The following HSPG2 variants were observed in gnomAD, a reference collection of about 807,000 sequenced individuals.
HSPG2 encodes heparan sulfate proteoglycan 2.
A neutral mutation model predicts 526.6 loss-of-function variants in HSPG2; 278 were observed. The ratio of observed to expected loss-of-function variants is 0.53; its 90% CI spans 0.48 to 0.58. The LOEUF (loss-of-function observed/expected upper bound fraction) is 0.58. Ranked by LOEUF, HSPG2 falls within the 20% of genes least tolerant of loss-of-function variation. The pLI is 0.00. For missense variants in HSPG2, 5,354 were observed against 6,099.5 expected, an observed-to-expected ratio of 0.88 and a Z score of 4.07; for synonymous variants, 2,465 against 2,555.4, an observed-to-expected ratio of 0.96 and a Z score of 1.07.
intron 76 of HSPG2, chr1:21,835,216 T>G (rs555510184): frequency 1.7e-6 from 1 of 603,698 alleles, no homozygotes. Flanking sequence ...CTAGAATTCA[T>G]GCGCTCAAGC....
Position 21,860,163 on chromosome 1 carries a change from A to G in HSPG2, c.5014+14T>C. The G allele has an allele frequency of 1.2e-6, 2 of 1,613,642 alleles. No homozygotes were observed. Among genetic ancestry groups the G allele is most frequent in the Non-Finnish European group, 1.7e-6 (2 of 1,179,744 alleles). ...TTGCCCATCGTCCCCATCCTGGGCC[A>G]TGGTCCCACTTACTCTCTGGCAGGC... On this transcript the variant is annotated intron_variant, in intron 40 of 96. Coordinates refer to ENST00000374695, the MANE Select transcript of HSPG2 (RefSeq NM_005529.7).
chr1:21,907,473 GA>G (rs996434735), intron 1 of HSPG2, among the ~76,000 whole-genome samples: 5 of 152,174 alleles, frequency 3.3e-5, no homozygotes, highest in African/African-American at 1.2e-4. Context: ...GGACAGGAGT[GA>G]GGTGGAAGCG....
chr1:21,854,450 C>T, intron 49 of HSPG2, 107 bp from the exon 50 acceptor site: 2 of 1,481,960 alleles, frequency 1.3e-6, no homozygotes. Context: ...CTGCTCCGAG[C>T]CATCCCATGC....
rs747291083 is a variant in HSPG2 at position 21,880,448 on chromosome 1, T to C, written c.2110A>G (p.Ser704Gly). The C allele has an allele frequency of 1.7e-5, 27 of 1,613,854 alleles. No homozygotes were observed. Among genetic ancestry groups the C allele is most frequent in the Non-Finnish European group, 2.3e-5 (27 of 1,179,982 alleles). ...ATGGCGATGTCGCTAAGTCCCACGC[T>C]GGCCATCTTGGTGTTGTACACGGTC... The part of the protein sequence containing the change: ...IQTVYNTKMA[S>G]VGLSDIAMDT... Residue 704 changes from serine (S) to glycine (G), a missense_variant, in exon 16 of 97, where the codon AGC becomes GGC. By Grantham distance (56) the Ser-to-Gly change is moderately conservative. Coordinates refer to ENST00000374695, the MANE Select transcript of HSPG2 (RefSeq NM_005529.7).
intron 9 of HSPG2, among the ~76,000 whole-genome samples, chr1:21,886,770 A>ATGGG (rs1641926278): frequency 6.6e-6 from 1 of 152,108 alleles, no homozygotes; most frequent in Admixed American, 6.6e-5. Flanking sequence ...AGGTGGGTGC[A>ATGGG]TGGGTGGCTG....
chr1:21,850,035 T>C lies in HSPG2; in HGVS notation c.7446+6A>G. The stretch of plus-strand genomic sequence containing the variant: ...CCTTCAGGCTTCCTGAGCTCCTGCC[T>C]CCTACCTGGTGCCGGGCCGGGAGGC... On this transcript the variant is annotated splice_donor_region_variant and intron_variant, in intron 57 of 96. Coordinates refer to ENST00000374695, the MANE Select transcript of HSPG2 (RefSeq NM_005529.7). The C allele has an allele frequency of 1.2e-6, 2 of 1,612,826 alleles. No individual in the cohort carries two copies.
chr1:21,831,466 T>C lies in HSPG2; in HGVS notation c.11449A>G (p.Ile3817Val), dbSNP rs1283880539. 4 of 1,613,682 alleles carry C rather than the reference T, an allele frequency of 2.5e-6. No individual in the cohort carries two copies. The highest frequency in any genetic ancestry group is 1.6e-4 in the Middle Eastern group (1 of 6,074). ...IPKAGLSSGF[I>V]GCVRELRIQG... is the part of the protein sequence containing the mutation. ...TGGAGGTGGGGAGGGGGCTCACCTA[T>C]GAAGCCGCTGCTCAGCCCCGCCTTG... The change falls in exon 83 of 97, where the codon ATA becomes GTA. Residue 3817 changes from isoleucine (I) to valine (V), a missense_variant. Ile to Val is a conservative substitution (Grantham distance 29). Coordinates refer to ENST00000374695, the MANE Select transcript of HSPG2 (RefSeq NM_005529.7).
chr1:21,823,380 G>A lies in HSPG2; in HGVS notation c.13112C>T (p.Pro4371Leu). 6.4e-7 allele frequency: 1 copy of A among 1,553,912 alleles called. No homozygotes were observed. Among genetic ancestry groups the A allele is most frequent in the South Asian group, 1.2e-5 (1 of 85,536 alleles). ...LHSARPGAPP[P>L]QPLDLQHRAQ... ...GCGGTGCTGCAGGTCCAGGGGCTGT[G>A]GGGGCGGGGCGCCGGGTCGGGCCGA... The change falls in exon 97 of 97, where the codon CCA becomes CTA. Residue 4371 changes from proline to leucine, a missense_variant. Physicochemically the swap from Pro to Leu is moderately conservative, Grantham distance 98. Transcript: ENST00000374695.
At chr1:21,928,720 G>A (rs1291039028) in intron 1 of HSPG2, among the ~76,000 whole-genome samples, 3 of 151,514 alleles carry the variant, frequency 2.0e-5, no homozygotes, top group African/African-American at 4.9e-5. Context: ...GGGATTACAG[G>A]CGTGAGCCAC....
intron 33 of HSPG2, chr1:21,870,333 C>G (rs1372907688): frequency 4.1e-6 from 4 of 981,844 alleles, no homozygotes; most frequent in African/African-American, 1.7e-5. Flanking sequence ...ATGGAGGGAG[C>G]AGGCGAGCTA....
intron 55 of HSPG2, 137 bp downstream of exon 55, chr1:21,851,408 TA>T: frequency 1.6e-6 from 2 of 1,289,656 alleles, no homozygotes; most frequent in Non-Finnish European, 2.2e-6. Context: ...TTCTGGTTTC[TA>T]ACCACTGCAC....
chr1:21,884,558 G>A lies in HSPG2; in HGVS notation c.1624C>T (p.Leu542=). The A allele has an allele frequency of 6.2e-7, 1 of 1,611,338 alleles. No individual in the cohort carries two copies. Among genetic ancestry groups the A allele is most frequent in the Non-Finnish European group, 8.5e-7 (1 of 1,179,940 alleles). ...AAGTCATCGGGTTGGTCAAAGCGCA[G>A]CCTGATCTGGTCCCGGAAGCGGCGG... ...STRRFRDQIR[L]RFDQPDDFKG... The change falls in exon 13 of 97, where the codon CTG becomes TTG. Residue 542 remains leucine, a synonymous_variant. Transcript: ENST00000374695.
chr1:21,895,824 C>A lies in HSPG2; in HGVS notation c.244+98G>T, dbSNP rs1642706296. On this transcript the variant is annotated intron_variant, in intron 3 of 96. Coordinates refer to ENST00000374695, the MANE Select transcript of HSPG2 (RefSeq NM_005529.7). This position sits in a 1 kb window ranked among gnomAD's most constrained non-coding sequence, Gnocchi z 4.1. ...ACACCCACTTCTTCTTGCTTTGTAC[C>A]CCAGGGCAGGCCCAAGGAGCCCTCA... 3.6e-6 allele frequency: 4 copies of A among 1,112,994 alleles called. No individual in the cohort carries two copies. The highest frequency in any genetic ancestry group is 5.5e-6 in the Non-Finnish European group (4 of 728,562). 68.9% of individuals were successfully genotyped at this position (1,112,994 alleles called of 1,614,324 possible).
At chr1:21,932,155 C>G (rs12086256) in intron 1 of HSPG2, among the ~76,000 whole-genome samples, 1 of 152,200 alleles carries the variant, frequency 6.6e-6, no homozygotes, top group African/African-American at 2.4e-5. Flanking sequence ...CTTCTGTCCC[C>G]GAGCCAATCC....
rs991200458 is a variant in HSPG2 at position 21,858,122 on chromosome 1, G to A, written c.5294-737C>T. Among the ~76,000 whole-genome samples, 2 of 152,094 alleles carry A rather than the reference G, an allele frequency of 1.3e-5. No individual in the cohort carries two copies. The highest frequency in any genetic ancestry group is 2.9e-5 in the Non-Finnish European group (2 of 68,040). On this transcript the variant is annotated intron_variant, in intron 42 of 96. Coordinates refer to ENST00000374695, the MANE Select transcript of HSPG2 (RefSeq NM_005529.7). The surrounding 1 kb of genome is among the most constrained non-coding windows in gnomAD (Gnocchi z 4.2). ...CAGAGCCAAGACTCTTGCAGGAGTT[G>A]TCCACACTCGCTGCCTTCCCACCCA...
intron 6 of HSPG2, among the ~76,000 whole-genome samples, chr1:21,888,293 C>G (rs111409636): frequency 2.9e-3 from 435 of 152,310 alleles, no homozygotes; most frequent in African/African-American, 8.8e-3. Flanking sequence ...ACCCCACACA[C>G]AGTTGACATG....
chr1:21,864,058 C>G lies in HSPG2; in HGVS notation c.4740+42G>C. On this transcript the variant is annotated intron_variant, in intron 37 of 96. Coordinates refer to ENST00000374695, the MANE Select transcript of HSPG2 (RefSeq NM_005529.7). This position sits in a 1 kb window ranked among gnomAD's most constrained non-coding sequence, Gnocchi z 4.8. ...CCAGCCCTGGTCCCCCACCCAGGCC[C>G]AGCTGAGCTGACCCCCTGTCCTGGC... 6.8e-7 allele frequency: 1 copy of G among 1,464,978 alleles called. No homozygotes were observed. The highest frequency in any genetic ancestry group is 9.3e-7 in the Non-Finnish European group (1 of 1,069,970). The allele number at this position is 1,464,978 out of a possible 1,614,324, so 90.7% of individuals were successfully genotyped here.
In HSPG2 at chr1:21,844,142, CT is replaced by C; in HGVS notation, c.8616+5del. 1 of 1,612,844 alleles carries C rather than the reference CT, an allele frequency of 6.2e-7. No individual in the cohort carries two copies. Among genetic ancestry groups the C allele is most frequent in the Non-Finnish European group, 8.5e-7 (1 of 1,179,978 alleles). On this transcript the variant is annotated splice_donor_5th_base_variant and intron_variant, in intron 65 of 96. Transcript: ENST00000374695. ...GGATGCATGCATCCTTCTCCAGCTC[CT>C]TTACCTGGTGCCGGGCAGGGAGGTT...
At position 21,887,409 on chromosome 1, in the gene HSPG2, C is replaced by G; in HGVS notation, c.958+11G>C. ...CTCCCCGCACCCACCTGCACCCCTGCCGGTGCGCACCACAGTCTAGCTCAT... is the reference window on the plus strand; with the variant it reads ...CTCCCCGCACCCACCTGCACCCCTGGCGGTGCGCACCACAGTCTAGCTCAT... On this transcript the variant is annotated intron_variant, in intron 8 of 96. Coordinates refer to ENST00000374695, the MANE Select transcript of HSPG2 (RefSeq NM_005529.7). This position sits in a 1 kb window ranked among gnomAD's most constrained non-coding sequence, Gnocchi z 5.0. 1 of 1,614,020 alleles carries G rather than the reference C, an allele frequency of 6.2e-7. No homozygotes were observed. The highest frequency in any genetic ancestry group is 8.5e-7 in the Non-Finnish European group (1 of 1,179,972).
Sources: allele counts gnomAD v4.1 joint callset (sites outside exome capture counted in the v4.1 genomes callset), GRCh38; gene constraint gnomAD v4.1.1; non-coding constraint Gnocchi (gnomAD v3.1); transcripts MANE v1.5; gene names NCBI Gene and HGNC (gene_info 2026-07-23, HGNC 2026-07-21).